The following DIPK2B variants were observed in gnomAD, a reference collection of about 807,000 sequenced individuals.
The protein encoded by DIPK2B is divergent protein kinase domain 2B, also known as UPF0672 protein CXorf36.
A neutral mutation model predicts 22.2 loss-of-function variants in DIPK2B; 15 were observed. The observed-to-expected ratio is 0.68, with a 90% CI of 0.45 to 1.04. The LOEUF (loss-of-function observed/expected upper bound fraction) is 1.04. Ranked by LOEUF, DIPK2B falls within the 50% of genes least tolerant of loss-of-function variation. The pLI is 0.00. For synonymous variants in DIPK2B, 163 were observed against 153.2 expected (o/e 1.06, Z -0.47); for missense variants, 345 against 348.3 (o/e 0.99, Z 0.08).
chrX:45,170,284 C>T (rs1012330266), intron 2 of DIPK2B, among the ~76,000 whole-genome samples: 1 of 108,954 alleles, frequency 9.2e-6, no homozygotes, highest in Non-Finnish European at 1.9e-5. Context: ...CCTTGGGATC[C>T]GGAAAGAGGA....
chrX:45,178,691 C>A lies in DIPK2B; in HGVS notation c.498+13060G>T, dbSNP rs188176772. Among the ~76,000 whole-genome samples, 80 of 111,703 alleles carry A rather than the reference C, an allele frequency of 7.2e-4. 1 individual carries two copies. Among genetic ancestry groups the A allele is most frequent in the African/African-American group, 2.4e-3 (75 of 30,772 alleles). On this transcript the variant is annotated intron_variant, in intron 2 of 4. Transcript: ENST00000398000. ...CATAGTCCTGTAAAAGGGAAATTCACAAAGAAGGAGCCCCCATAACTTTGT... is the reference window on the plus strand; with the variant it reads ...CATAGTCCTGTAAAAGGGAAATTCAAAAAGAAGGAGCCCCCATAACTTTGT...
At position 45,149,543 on chromosome X, in the gene DIPK2B, C is replaced by A. The variant is rs1246806423; in HGVS notation, c.*2109G>T. 8.8e-6 allele frequency: 1 copy of A among 113,050 alleles called. No homozygotes were observed. The highest frequency in any genetic ancestry group is 1.9e-5 in the Non-Finnish European group (1 of 53,355). The allele number at this position is 113,050 out of a possible 1,213,427, so 9.3% of individuals were successfully genotyped here. A position where few individuals can be genotyped will look rare whatever the true frequency, so the allele number is the denominator to read the frequency against. ...ACCCAAAAGGGAACTAGGTACTCCA[C>A]AAAATAAGGCTTTTCTGGGGTCCAT... On this transcript the variant is annotated 3_prime_UTR_variant, in exon 5 of 5. Coordinates refer to ENST00000398000, the MANE Select transcript of DIPK2B (RefSeq NM_176819.4).
chrX:45,164,576 G>A (rs2047038096), intron 2 of DIPK2B, among the ~76,000 whole-genome samples: 1 of 111,497 alleles, frequency 9.0e-6, no homozygotes, highest in African/African-American at 3.3e-5. Context: ...ATGGACACAG[G>A]GAGGGGAACA....
At chrX:45,190,078 C>T (rs1019472575) in intron 2 of DIPK2B, among the ~76,000 whole-genome samples, 1 of 112,170 alleles carries the variant, frequency 8.9e-6, no homozygotes, top group Non-Finnish European at 1.9e-5. Flanking sequence ...AAGGGATTCA[C>T]TTATTATGAG....
At chrX:45,180,099 C>T (rs956087005) in intron 2 of DIPK2B, among the ~76,000 whole-genome samples, 1 of 111,599 alleles carries the variant, frequency 9.0e-6, no homozygotes, top group Admixed American at 9.6e-5. Context: ...ACCACTGGAA[C>T]ATCACCTCAT....
intron 2 of DIPK2B, among the ~76,000 whole-genome samples, chrX:45,183,071 A>G (rs1270228497): frequency 8.9e-6 from 1 of 112,335 alleles, no homozygotes; most frequent in Non-Finnish European, 1.9e-5. Context: ...CCAGCTATGC[A>G]CTTAAGATAT....
intron 4 of DIPK2B, among the ~76,000 whole-genome samples, 194 bp from the exon 5 acceptor site, chrX:45,152,186 C>G (rs1219848053): frequency 2.7e-5 from 3 of 110,900 alleles, no homozygotes; most frequent in African/African-American, 9.9e-5. Context: ...GGTGAAACCC[C>G]GTCTCTACTA....
intron 2 of DIPK2B, among the ~76,000 whole-genome samples, chrX:45,172,350 T>G (rs2047087930): frequency 8.9e-6 from 1 of 111,738 alleles, no homozygotes; most frequent in Non-Finnish European, 1.9e-5. Flanking sequence ...CACAGTGTCA[T>G]GCATGGTATC....
At chrX:45,153,736 T>A (rs2046974384) in intron 4 of DIPK2B, among the ~76,000 whole-genome samples, 174 bp downstream of exon 4, 1 of 110,106 alleles carries the variant, frequency 9.1e-6, no homozygotes, top group African/African-American at 3.3e-5. Context: ...GAAATTCAAA[T>A]AGGAGTGAGG....
chrX:45,156,829 C>T (rs73477130), intron 3 of DIPK2B, among the ~76,000 whole-genome samples: 33 of 111,577 alleles, frequency 3.0e-4, no homozygotes, highest in African/African-American at 1.0e-3. Flanking sequence ...TGCCTTTGGC[C>T]GGTGTTTATT....
chrX:45,157,932 C>T (rs2047003728), intron 2 of DIPK2B, 44 bp from the exon 3 acceptor site: 2 of 917,854 alleles, frequency 2.2e-6, no homozygotes, highest in Non-Finnish European at 2.8e-6. Flanking sequence ...GGGGGCGGGG[C>T]GCTAAGCTCT....
chrX:45,164,415 A>G (rs1210680091), intron 2 of DIPK2B, among the ~76,000 whole-genome samples: 2 of 110,611 alleles, frequency 1.8e-5, no homozygotes, highest in Non-Finnish European at 3.8e-5. Context: ...CCAGGAAGGA[A>G]GTGGCTTATT....
At chrX:45,197,969 A>G (rs2047248894) in intron 1 of DIPK2B, among the ~76,000 whole-genome samples, 1 of 112,545 alleles carries the variant, frequency 8.9e-6, no homozygotes, top group East Asian at 2.8e-4. Flanking sequence ...TTATAGTTAA[A>G]TAATTAAATA....
At chrX:45,152,442 G>T (rs1414892388) in intron 4 of DIPK2B, among the ~76,000 whole-genome samples, 3 of 111,275 alleles carry the variant, frequency 2.7e-5, no homozygotes, top group Non-Finnish European at 5.7e-5. Flanking sequence ...GGACACAGTG[G>T]CTCCTTTTGA....
rs1262097432 is a variant in DIPK2B, at chrX:45,151,593, C to T, written c.*59G>A. 11 of 1,082,622 alleles carry T rather than the reference C, an allele frequency of 1.0e-5. No homozygotes were observed. The highest frequency in any genetic ancestry group is 6.1e-5 in the East Asian group (2 of 33,020). The allele number at this position is 1,082,622 out of a possible 1,213,427, so 89.2% of individuals were successfully genotyped here. A position where few individuals can be genotyped will look rare whatever the true frequency, so the allele number is the denominator to read the frequency against. On this transcript the variant is annotated 3_prime_UTR_variant, in exon 5 of 5. Transcript: ENST00000398000. ...TGCTTCTTTCTACCTTGCAGCAACC[C>T]GACTGGGAGAATGGAGAGCCAAGCG...
intron 2 of DIPK2B, among the ~76,000 whole-genome samples, chrX:45,177,006 A>G (rs1336020673): frequency 9.0e-6 from 1 of 111,362 alleles, no homozygotes; most frequent in African/African-American, 3.3e-5. Context: ...GTCCCTCCAA[A>G]TCTCATGTTG....
chrX:45,179,604 A>T (rs1237231528), intron 2 of DIPK2B, among the ~76,000 whole-genome samples: 3 of 111,884 alleles, frequency 2.7e-5, no homozygotes, highest in Non-Finnish European at 5.6e-5. Flanking sequence ...TAGAAATGCA[A>T]AATGCAATAT....
At chrX:45,172,062 G>A (rs1252486634) in intron 2 of DIPK2B, among the ~76,000 whole-genome samples, 1 of 111,859 alleles carries the variant, frequency 8.9e-6, no homozygotes, top group Non-Finnish European at 1.9e-5. Flanking sequence ...CTAACAGAGA[G>A]ATCCAGTCTG....
At chrX:45,153,676 C>CT (rs1569544199) in intron 4 of DIPK2B, among the ~76,000 whole-genome samples, 1 of 110,916 alleles carries the variant, frequency 9.0e-6, no homozygotes, top group Non-Finnish European at 1.9e-5. Flanking sequence ...CACAATGCTT[C>CT]TCATGGACAA....
Sources: gnomAD v4.1 joint callset for allele counts (sites outside exome capture counted in the v4.1 genomes callset) on GRCh38, gnomAD v4.1.1 for gene constraint, MANE v1.5 for transcripts, NCBI Gene and HGNC (gene_info 2026-07-23, HGNC 2026-07-21) for gene names.